The following GRAMD4 variants were observed in gnomAD, a reference collection of about 807,000 sequenced individuals.
The protein encoded by GRAMD4 is GRAM domain containing 4.
Under a neutral mutation model 83.9 loss-of-function variants are expected in GRAMD4, and 25 were observed. The ratio of observed to expected loss-of-function variants is 0.30; its 90% confidence interval spans 0.22 to 0.42. GRAMD4 has a LOEUF of 0.42. Ranked by LOEUF, GRAMD4 falls within the 10% of genes least tolerant of loss-of-function variation. The pLI is 1.00. For synonymous variants in GRAMD4, 336 were observed against 320.9 expected (o/e 1.05, Z -0.50); for missense variants, 593 against 788.7 (o/e 0.75, Z 2.97).
rs141555305 is a variant in GRAMD4 at position 46,663,104 on chromosome 22, C to T, written c.531C>T (p.Tyr177=). The change falls in exon 6 of 19, where the codon TAC becomes TAT. Residue 177 remains tyrosine (Y), a synonymous_variant. Coordinates refer to ENST00000406902, the MANE Select transcript of GRAMD4 (RefSeq NM_015124.5). ...GGTTCTACGAGCGGTTTGGGGAGTA[C>T]GTGGAGGACTTCCGGTTCCAGCCCG... The part of the protein sequence containing the change: ...QKWFYERFGE[Y]VEDFRFQPEE... 1,425 of 1,612,056 alleles carry T rather than the reference C, an allele frequency of 8.8e-4. 7 individuals are homozygous for T. The Middle Eastern group carries it at 0.016, about 18-fold the overall frequency.
chr22:46,632,426 C>G (rs904418327), intron 2 of GRAMD4, among the ~76,000 whole-genome samples: 7 of 152,176 alleles, frequency 4.6e-5, no homozygotes, highest in Non-Finnish European at 1.0e-4. Context: ...GAAAATAGTT[C>G]TAGAAAAGCT....
chr22:46,682,491 G>A (rs966358039), downstream of GRAMD4: 46 of 963,408 alleles, frequency 4.8e-5, no homozygotes, highest in African/African-American at 6.0e-4. Context: ...TCGAAGACCT[G>A]CCTGTAGCAG....
chr22:46,644,869 A>T (rs532200501), intron 3 of GRAMD4, among the ~76,000 whole-genome samples: 2 of 129,612 alleles, frequency 1.5e-5, no homozygotes, highest in Admixed American at 8.3e-5. Flanking sequence ...AGTAGCAGGG[A>T]CTATAGGCAC....
intron 1 of GRAMD4, among the ~76,000 whole-genome samples, chr22:46,587,587 C>T (rs1163420317): frequency 6.6e-6 from 1 of 152,004 alleles, no homozygotes; most frequent in Non-Finnish European, 1.5e-5. Context: ...GGCAGGCAGC[C>T]CAGGCCGGGG....
At chr22:46,597,049 G>T (rs954030768) in intron 1 of GRAMD4, among the ~76,000 whole-genome samples, 2 of 152,102 alleles carry the variant, frequency 1.3e-5, no homozygotes, top group Non-Finnish European at 2.9e-5. Context: ...AGGTCTCCAC[G>T]CCTGCTTTCG....
At chr22:46,662,306 G>A (rs941186829) in intron 5 of GRAMD4, among the ~76,000 whole-genome samples, 3 of 152,190 alleles carry the variant, frequency 2.0e-5, no homozygotes, top group African/African-American at 4.8e-5. Context: ...CCCTGGGTAT[G>A]GTGACCACAG....
intron 1 of GRAMD4, among the ~76,000 whole-genome samples, chr22:46,579,859 C>T (rs551091291): frequency 2.6e-5 from 4 of 152,250 alleles, no homozygotes; most frequent in Admixed American, 2.6e-4. Flanking sequence ...TGTATGTGGG[C>T]TTCTGTGTGT....
At chr22:46,682,534 G>A, downstream of GRAMD4, 1 of 679,910 alleles carries the variant, frequency 1.5e-6, no homozygotes, top group Non-Finnish European at 1.8e-6. Context: ...ACTGCGACGA[G>A]GGCGCCCGCC....
downstream of GRAMD4, among the ~76,000 whole-genome samples, chr22:46,682,259 C>T (rs1430203620): frequency 2.0e-5 from 3 of 152,358 alleles, no homozygotes; most frequent in South Asian, 2.1e-4. Flanking sequence ...TGGCCCATGC[C>T]CCTGCCATCC....
At chr22:46,660,739 C>G (rs1050119325) in intron 4 of GRAMD4, among the ~76,000 whole-genome samples, 3 of 152,328 alleles carry the variant, frequency 2.0e-5, no homozygotes, top group Non-Finnish European at 4.4e-5. Flanking sequence ...GCTCCGCCCT[C>G]TGTTCTCTTC....
At chr22:46,634,807 G>C (rs1443759023) in intron 2 of GRAMD4, among the ~76,000 whole-genome samples, 1 of 152,116 alleles carries the variant, frequency 6.6e-6, no homozygotes, top group African/African-American at 2.4e-5. Context: ...GCCAGGTATG[G>C]TGGCAGGCAC....
chr22:46,667,514 C>G (rs2082428563), intron 10 of GRAMD4, among the ~76,000 whole-genome samples: 1 of 152,252 alleles, frequency 6.6e-6, no homozygotes, highest in Non-Finnish European at 1.5e-5. Context: ...AAAATATTTA[C>G]TGTCTGGCCC....
chr22:46,599,324 GT>G (rs922529791), intron 1 of GRAMD4, among the ~76,000 whole-genome samples: 14 of 146,932 alleles, frequency 9.5e-5, no homozygotes, highest in African/African-American at 1.5e-4. Flanking sequence ...ATACTAAGTT[GT>G]TTTTTTTTTT....
intron 1 of GRAMD4, among the ~76,000 whole-genome samples, chr22:46,584,152 G>T (rs945483044): frequency 1.3e-5 from 2 of 151,984 alleles, no homozygotes; most frequent in Non-Finnish European, 2.9e-5. Context: ...TCACTTTCTG[G>T]CCCTGTGAGA....
intron 1 of GRAMD4, among the ~76,000 whole-genome samples, chr22:46,582,338 G>A (rs895691626): frequency 6.6e-6 from 1 of 152,038 alleles, no homozygotes; most frequent in Non-Finnish European, 1.5e-5. Flanking sequence ...GGCAGCGGGC[G>A]GTTAGGAGGC....
intron 1 of GRAMD4, among the ~76,000 whole-genome samples, chr22:46,608,266 C>G (rs73888579): frequency 0.01 from 1,541 of 152,316 alleles, 21 homozygotes; most frequent in African/African-American, 0.036. Flanking sequence ...CGCCCGTGCT[C>G]TCAGGCCTGT....
upstream of GRAMD4, among the ~76,000 whole-genome samples, chr22:46,575,763 G>C (rs886517995): frequency 1.3e-5 from 2 of 152,248 alleles, no homozygotes; most frequent in Non-Finnish European, 2.9e-5. Flanking sequence ...CATGCTGCCT[G>C]CGGAGGCACA....
At chr22:46,637,006 G>A (rs2081899036) in intron 2 of GRAMD4, among the ~76,000 whole-genome samples, 1 of 152,184 alleles carries the variant, frequency 6.6e-6, no homozygotes, top group Non-Finnish European at 1.5e-5. Flanking sequence ...CAGAGAGGAC[G>A]ACAAGGCCGC....
At chr22:46,582,955 G>T (rs1018662861) in intron 1 of GRAMD4, among the ~76,000 whole-genome samples, 1 of 152,002 alleles carries the variant, frequency 6.6e-6, no homozygotes, top group African/African-American at 2.4e-5. Context: ...ATGGAGTTTC[G>T]CTCTTGTTGC....
Sources: allele counts gnomAD v4.1 joint callset (sites outside exome capture counted in the v4.1 genomes callset), GRCh38; gene constraint gnomAD v4.1.1; transcripts MANE v1.5; gene names NCBI Gene and HGNC (gene_info 2026-07-23, HGNC 2026-07-21).